The following USH2A variants were observed in gnomAD, a reference collection of about 807,000 sequenced individuals.
The protein encoded by USH2A is Usher syndrome 2A (autosomal recessive, mild).
A neutral mutation model predicts 538.9 loss-of-function variants in USH2A; 443 were observed. That is an observed-to-expected ratio of 0.82 (90% CI 0.76 to 0.89). The LOEUF is 0.89. Among genes scored for constraint, USH2A ranks in the 40% least tolerant of loss-of-function variants. The pLI, the probability that USH2A is intolerant of heterozygous loss-of-function variation, is 0.00. For missense variants in USH2A, 6,633 were observed against 6,324.8 expected (o/e 1.05, Z -1.65); for synonymous variants, 2,413 against 2,273.5 (o/e 1.06, Z -1.75).
chr1:216,383,492 A>G (rs1174189908), intron 3 of USH2A, among the ~76,000 whole-genome samples: 1 of 152,236 alleles, frequency 6.6e-6, no homozygotes, highest in East Asian at 1.9e-4. Flanking sequence ...TCATTTTACT[A>G]TAATGATTTT....
intron 21 of USH2A, among the ~76,000 whole-genome samples, chr1:216,120,364 G>T (rs1037791070): frequency 7.0e-5 from 9 of 128,116 alleles, no homozygotes; most frequent in Non-Finnish European, 1.4e-4. Context: ...GTGAAACCCC[G>T]TCTGTATTAT....
intron 55 of USH2A, among the ~76,000 whole-genome samples, chr1:215,769,933 C>T (rs535849413): frequency 6.6e-6 from 1 of 152,292 alleles, no homozygotes; most frequent in South Asian, 2.1e-4. Flanking sequence ...ACTTTATCCT[C>T]AAGAGCTGTG....
intron 47 of USH2A, among the ~76,000 whole-genome samples, chr1:215,824,916 T>A (rs1663112414): frequency 1.3e-5 from 2 of 152,166 alleles, no homozygotes; most frequent in African/African-American, 4.8e-5. Flanking sequence ...GATTTTCACT[T>A]CTCTGTGACT....
At chr1:216,209,288 C>T (rs962147159) in intron 15 of USH2A, among the ~76,000 whole-genome samples, 13 of 152,122 alleles carry the variant, frequency 8.5e-5, no homozygotes, top group African/African-American at 2.2e-4. Context: ...ACACAGGGAG[C>T]GGGGAATTAA....
intron 4 of USH2A, among the ~76,000 whole-genome samples, chr1:216,360,402 T>G (rs558684659): frequency 6.6e-6 from 1 of 152,036 alleles, no homozygotes; most frequent in Non-Finnish European, 1.5e-5. Context: ...GGGGTTAGGA[T>G]AGAGATAAGG....
chr1:215,648,434 T>C (rs1656930935), intron 66 of USH2A, 94 bp downstream of exon 66: 1 of 1,324,726 alleles, frequency 7.5e-7, no homozygotes, highest in South Asian at 1.2e-5. Context: ...GCTATACAGG[T>C]TTGTAGCCTA....
intron 44 of USH2A, among the ~76,000 whole-genome samples, chr1:215,864,772 G>A (rs1360393256): frequency 2.0e-5 from 3 of 152,114 alleles, no homozygotes; most frequent in Admixed American, 6.6e-5. Context: ...ACACAGGGAC[G>A]CTTTTATCTC....
chr1:216,220,261 C>T (rs1355653534), intron 14 of USH2A, among the ~76,000 whole-genome samples: 1 of 151,622 alleles, frequency 6.6e-6, no homozygotes, highest in African/African-American at 2.4e-5. Flanking sequence ...TGGGTACTAT[C>T]AAATTGATTT....
chr1:216,394,553 G>C (rs1466421096), intron 3 of USH2A, among the ~76,000 whole-genome samples: 1 of 151,796 alleles, frequency 6.6e-6, no homozygotes, highest in Admixed American at 6.6e-5. Context: ...GTATTTGAAA[G>C]ACAAAAAGCA....
intron 22 of USH2A, among the ~76,000 whole-genome samples, chr1:216,092,814 C>T (rs2032334776): frequency 6.6e-6 from 1 of 152,170 alleles, no homozygotes; most frequent in South Asian, 2.1e-4. Context: ...GGCCATCCTG[C>T]TCAACCCATA....
intron 41 of USH2A, among the ~76,000 whole-genome samples, chr1:215,882,926 A>G (rs1664953997): frequency 2.0e-5 from 3 of 152,162 alleles, no homozygotes; most frequent in Admixed American, 6.5e-5. Context: ...AAAGATTACC[A>G]AGTATTGCCA....
At chr1:216,026,723 G>C (rs1668975323) in intron 32 of USH2A, among the ~76,000 whole-genome samples, 1 of 152,146 alleles carries the variant, frequency 6.6e-6, no homozygotes, top group South Asian at 2.1e-4. Flanking sequence ...AAGTACTCAT[G>C]ATCTAGTGAG....
intron 41 of USH2A, among the ~76,000 whole-genome samples, chr1:215,881,726 A>G (rs1449194471): frequency 2.0e-5 from 3 of 152,236 alleles, no homozygotes; most frequent in Non-Finnish European, 2.9e-5. Flanking sequence ...AAATAGAATT[A>G]TAGTTTTGCA....
intron 21 of USH2A, among the ~76,000 whole-genome samples, chr1:216,166,049 C>T (rs904425942): frequency 9.2e-5 from 14 of 151,972 alleles, no homozygotes; most frequent in African/African-American, 3.4e-4. Context: ...AACAACCTGT[C>T]TTAATAGAAT....
intron 38 of USH2A, among the ~76,000 whole-genome samples, chr1:215,911,264 A>T (rs1373692116): frequency 6.6e-6 from 1 of 151,924 alleles, no homozygotes; most frequent in Non-Finnish European, 1.5e-5. Flanking sequence ...TATTGACTAT[A>T]ATCACCTTAT....
At chr1:215,958,876 C>T (rs1667132018) in intron 37 of USH2A, among the ~76,000 whole-genome samples, 1 of 152,014 alleles carries the variant, frequency 6.6e-6, no homozygotes, top group Non-Finnish European at 1.5e-5. Context: ...TTGATTACCC[C>T]TAGCAACTGT....
chr1:216,279,719 C>T (rs1300592783), intron 11 of USH2A, among the ~76,000 whole-genome samples: 1 of 152,078 alleles, frequency 6.6e-6, no homozygotes, highest in Non-Finnish European at 1.5e-5. Flanking sequence ...GCTTCCTCAG[C>T]TCAACCCAAT....
intron 44 of USH2A, among the ~76,000 whole-genome samples, chr1:215,862,468 A>G (rs991637770): frequency 2.6e-5 from 4 of 152,126 alleles, no homozygotes; most frequent in African/African-American, 9.7e-5. Flanking sequence ...AATGTAAATG[A>G]CGAGTTAATG....
chr1:215,907,536 G>A (rs1471013596), intron 38 of USH2A, among the ~76,000 whole-genome samples: 1 of 151,922 alleles, frequency 6.6e-6, no homozygotes, highest in Non-Finnish European at 1.5e-5. Flanking sequence ...TGTGTGTTTG[G>A]GCCACAGCCC....
Sources: gnomAD v4.1 joint callset for allele counts (sites outside exome capture counted in the v4.1 genomes callset) on GRCh38, gnomAD v4.1.1 for gene constraint, MANE v1.5 for transcripts, NCBI Gene and HGNC (gene_info 2026-07-23, HGNC 2026-07-21) for gene names.